ADGRV1: variants seen among roughly 807,000 people sequenced by gnomAD.
ADGRV1 encodes the protein adhesion G protein-coupled receptor V1, also known as G-protein coupled receptor 98.
Under a neutral mutation model 596.2 loss-of-function variants are expected in ADGRV1, and 359 were observed. That is an observed-to-expected ratio of 0.60 (90% CI 0.55 to 0.66). The LOEUF is 0.66. Ranked by LOEUF, ADGRV1 falls within the 30% of genes least tolerant of loss-of-function variation. The pLI, the probability that ADGRV1 is intolerant of heterozygous loss-of-function variation, is 0.00. For synonymous variants in ADGRV1, 2,681 were observed against 2,679.2 expected (o/e 1.00, Z -0.02); for missense variants, 7,274 against 7,575.6 (o/e 0.96, Z 1.48).
intron 86 of ADGRV1, among the ~76,000 whole-genome samples, chr5:91,088,605 C>G (rs567172155): frequency 1.9e-4 from 29 of 152,010 alleles, no homozygotes; most frequent in African/African-American, 6.8e-4. Context: ...CTCATAGTAC[C>G]CAGAGTTAAA....
chr5:90,703,818 A>G (rs760996174), intron 35 of ADGRV1, 23 bp downstream of exon 35: 4 of 1,541,124 alleles, frequency 2.6e-6, no homozygotes, highest in South Asian at 1.2e-5. Flanking sequence ...AGAAAAGTCG[A>G]TCACAAATAT....
At chr5:90,887,122 T>C (rs957175238) in intron 83 of ADGRV1, among the ~76,000 whole-genome samples, 3 of 152,142 alleles carry the variant, frequency 2.0e-5, no homozygotes, top group Admixed American at 6.5e-5. Context: ...CATCATAATA[T>C]GGCTGTTAAG....
In ADGRV1 at chr5:90,694,715, C is replaced by A; in HGVS notation, c.7945+14C>A. The A allele has an allele frequency of 6.5e-7, 1 of 1,538,708 alleles. No individual in the cohort carries two copies. Among genetic ancestry groups the A allele is most frequent in the Non-Finnish European group, 8.7e-7 (1 of 1,145,500 alleles). On this transcript the variant is annotated intron_variant, in intron 33 of 89. Transcript: ENST00000405460. Reference sequence around the variant, plus strand: ...CCTTTGCTGAAGGTGAGCAATGGTTCTAAATGAATTTCCGTTGCCCCAGTA... The same window carrying A: ...CCTTTGCTGAAGGTGAGCAATGGTTATAAATGAATTTCCGTTGCCCCAGTA...
intron 83 of ADGRV1, among the ~76,000 whole-genome samples, chr5:90,890,903 G>C (rs925679331): frequency 2.0e-5 from 3 of 151,952 alleles, no homozygotes; most frequent in African/African-American, 7.2e-5. Context: ...CTGATAAAGA[G>C]TAAAGTTGAA....
intron 85 of ADGRV1, among the ~76,000 whole-genome samples, chr5:91,009,658 T>G (rs1782565960): frequency 2.0e-5 from 2 of 99,906 alleles, no homozygotes; most frequent in Non-Finnish European, 4.5e-5. Flanking sequence ...ATGATTTTAA[T>G]AAAAGAATTC....
chr5:91,132,504 A>T (rs1378388572), intron 87 of ADGRV1, among the ~76,000 whole-genome samples: 1 of 152,248 alleles, frequency 6.6e-6, no homozygotes, highest in Non-Finnish European at 1.5e-5. Flanking sequence ...CAGAATGCAT[A>T]AAATCACAGA....
At chr5:90,891,393 T>C (rs1770809951) in intron 83 of ADGRV1, among the ~76,000 whole-genome samples, 1 of 151,394 alleles carries the variant, frequency 6.6e-6, no homozygotes, top group Admixed American at 6.6e-5. Flanking sequence ...AGATGACTGA[T>C]AAGTGATAGC....
chr5:91,057,434 A>T (rs1434809852), intron 85 of ADGRV1, among the ~76,000 whole-genome samples: 1 of 152,254 alleles, frequency 6.6e-6, no homozygotes, highest in Non-Finnish European at 1.5e-5. Context: ...CTATTAGATC[A>T]TCATTTTTTT....
chr5:90,930,101 A>G (rs1173526350), intron 83 of ADGRV1, among the ~76,000 whole-genome samples: 1 of 152,198 alleles, frequency 6.6e-6, no homozygotes, highest in Non-Finnish European at 1.5e-5. Flanking sequence ...TTTTTAAAAA[A>G]TATATGATTT....
intron 1 of ADGRV1, among the ~76,000 whole-genome samples, chr5:90,564,795 T>C: frequency 1.1e-5 from 1 of 88,550 alleles, no homozygotes; most frequent in Non-Finnish European, 2.2e-5. Flanking sequence ...CCCGGCTAAT[T>C]TTTTGTATTT....
intron 50 of ADGRV1, among the ~76,000 whole-genome samples, chr5:90,730,653 T>TA (rs529036448): frequency 3.4e-3 from 514 of 152,288 alleles, no homozygotes; most frequent in African/African-American, 0.011. Context: ...GTCTGCAGGT[T>TA]GTAGGATTAT....
intron 70 of ADGRV1, among the ~76,000 whole-genome samples, chr5:90,801,019 T>C (rs1344664653): frequency 2.0e-5 from 3 of 152,048 alleles, no homozygotes; most frequent in African/African-American, 4.8e-5. Flanking sequence ...TGTATACCTA[T>C]GTAACAAAAC....
At chr5:91,091,561 G>T (rs1390787295) in intron 86 of ADGRV1, 1 of 151,990 alleles carries the variant, frequency 6.6e-6, no homozygotes, top group African/African-American at 2.4e-5. Context: ...CATTCTAGGA[G>T]AGTATTAAAC....
intron 86 of ADGRV1, among the ~76,000 whole-genome samples, chr5:91,078,701 C>T (rs1441034204): frequency 1.3e-5 from 2 of 152,210 alleles, no homozygotes; most frequent in Non-Finnish European, 2.9e-5. Flanking sequence ...CAGCCAGCCT[C>T]CAGTTGTGTC....
At chr5:90,984,212 A>T (rs549189465) in intron 84 of ADGRV1, among the ~76,000 whole-genome samples, 3 of 152,266 alleles carry the variant, frequency 2.0e-5, no homozygotes, top group African/African-American at 7.2e-5. Context: ...TTATAGACAT[A>T]TAATAATATA....
chr5:90,925,486 C>T (rs1581530658), intron 83 of ADGRV1, among the ~76,000 whole-genome samples: 1 of 152,084 alleles, frequency 6.6e-6, no homozygotes, highest in Non-Finnish European at 1.5e-5. Context: ...GATTTTGTAT[C>T]CTGAGAGTTT....
At chr5:90,923,613 G>T (rs561048943) in intron 83 of ADGRV1, among the ~76,000 whole-genome samples, 1 of 152,126 alleles carries the variant, frequency 6.6e-6, no homozygotes, top group African/African-American at 2.4e-5. Context: ...TCCCAATCTT[G>T]CCTTAGGTTA....
intron 85 of ADGRV1, among the ~76,000 whole-genome samples, chr5:91,012,888 A>T (rs1267460659): frequency 1.3e-5 from 2 of 151,826 alleles, no homozygotes; most frequent in Non-Finnish European, 2.9e-5. Flanking sequence ...CTCCACCTTC[A>T]AGTAGACACC....
intron 86 of ADGRV1, 73 bp from the exon 87 acceptor site, chr5:91,102,146 C>A: frequency 7.0e-7 from 1 of 1,431,710 alleles, no homozygotes; most frequent in East Asian, 2.4e-5. Flanking sequence ...CAGAAAGAAG[C>A]CAAAAATAAC....
Sources: allele counts gnomAD v4.1 joint callset (sites outside exome capture counted in the v4.1 genomes callset), GRCh38; gene constraint gnomAD v4.1.1; transcripts MANE v1.5; gene names NCBI Gene and HGNC (gene_info 2026-07-23, HGNC 2026-07-21).